Variants in SNX16 observed in about 807,000 individuals in gnomAD.
The protein encoded by SNX16 is sorting nexin 16.
Under a neutral mutation model 36.7 loss-of-function variants are expected in SNX16, and 35 were observed. That is an observed-to-expected ratio of 0.95 (90% CI 0.73 to 1.27). The LOEUF is 1.27. SNX16 is among the 50% of genes most tolerant of loss of function. The pLI is 0.00. For missense variants in SNX16, 367 were observed against 393.6 expected (o/e 0.93, Z 0.57); for synonymous variants, 134 against 132.0 (o/e 1.02, Z -0.10).
At chr8:81,841,912 C>G (rs988058726) in intron 1 of SNX16, 1 of 152,192 alleles carries the variant, frequency 6.6e-6, no homozygotes, top group African/African-American at 2.4e-5. Flanking sequence ...ATCACAGACT[C>G]TCCCGCCTCC....
At chr8:81,803,422 A>G (rs947414148) in intron 5 of SNX16, among the ~76,000 whole-genome samples, 194 bp from the exon 6 acceptor site, 17 of 151,960 alleles carry the variant, frequency 1.1e-4, no homozygotes, top group Non-Finnish European at 1.8e-4. Context: ...TTTAGTTCCC[A>G]TCCACCAGGG....
In SNX16 at chr8:81,800,340, C is replaced by A. The variant is rs1483845331; in HGVS notation, c.*1157G>T. ...TTCATCCTATAAAAATGAAACAAGG[C>A]ACTTTTAATGACTGTACACAAAGCT... On this transcript the variant is annotated 3_prime_UTR_variant, in exon 8 of 8. Coordinates refer to ENST00000345957, the MANE Select transcript of SNX16 (RefSeq NM_152836.3). The A allele has an allele frequency of 6.6e-6, 1 of 151,852 alleles. No individual in the cohort carries two copies. The highest frequency in any genetic ancestry group is 1.5e-5 in the Non-Finnish European group (1 of 67,718). 9.4% of individuals were successfully genotyped at this position (151,852 alleles called of 1,614,324 possible).
chr8:81,807,616 C>T (rs995126256), intron 5 of SNX16, among the ~76,000 whole-genome samples: 3 of 149,308 alleles, frequency 2.0e-5, no homozygotes, highest in Non-Finnish European at 3.0e-5. Context: ...CTAATTAGTG[C>T]AGTAGGGATG....
chr8:81,827,285 T>C (rs1811061884), intron 3 of SNX16, among the ~76,000 whole-genome samples: 1 of 152,188 alleles, frequency 6.6e-6, no homozygotes, highest in Middle Eastern at 3.4e-3. Context: ...AAACACTAAA[T>C]AACAGTATAG....
intron 7 of SNX16, 114 bp downstream of exon 7, chr8:81,802,266 G>T: frequency 3.1e-6 from 2 of 651,224 alleles, no homozygotes; most frequent in Non-Finnish European, 2.3e-6. Context: ...TGTTTGCTTA[G>T]CAGATTCGTG....
Position 81,801,175 on chromosome 8 carries a change from T to C in SNX16, c.*322A>G. The C allele has an allele frequency of 5.4e-6, 1 of 183,796 alleles. No homozygotes were observed. The highest frequency in any genetic ancestry group is 1.1e-5 in the Non-Finnish European group (1 of 88,906). 11.4% of individuals were successfully genotyped at this position (183,796 alleles called of 1,614,324 possible). On this transcript the variant is annotated 3_prime_UTR_variant, in exon 8 of 8. Coordinates refer to ENST00000345957, the MANE Select transcript of SNX16 (RefSeq NM_152836.3). ...TGGTGATTTAACACACATACATATATACACAGTAGTTTGGAGCAATATATA... is the reference window on the plus strand; with the variant it reads ...TGGTGATTTAACACACATACATATACACACAGTAGTTTGGAGCAATATATA...
chr8:81,840,201 A>C (rs912854302), intron 1 of SNX16, 119 bp from the exon 2 acceptor site: 2 of 493,042 alleles, frequency 4.1e-6, no homozygotes, highest in Non-Finnish European at 6.8e-6. Context: ...AACATACCTC[A>C]AACCCCTTCT....
rs188363712 is a variant in SNX16 at position 81,819,464 on chromosome 8, T to C, written c.612-4070A>G. Among the ~76,000 whole-genome samples the C allele has an allele frequency of 2.0e-5, 3 of 152,212 alleles. No homozygotes were observed. In the East Asian group the frequency reaches 5.8e-4, roughly 29 times the overall value. On this transcript the variant is annotated intron_variant, in intron 4 of 7. Transcript: ENST00000345957. Reference sequence around the variant, plus strand: ...AAAGTCCTTCTTCATCTTTCCTTGCTGGGCCAATGATCACTAATTCTTTAA... The same window carrying C: ...AAAGTCCTTCTTCATCTTTCCTTGCCGGGCCAATGATCACTAATTCTTTAA...
rs1335980353 is a variant in SNX16 at position 81,834,930 on chromosome 8, T to G, written c.375+4682A>C. The stretch of plus-strand genomic sequence containing the variant: ...ACAGCTCCACTAGACAGTGCCCCAG[T>G]AGGGACTCTGTATGGGGCTCTGACC... On this transcript the variant is annotated intron_variant, in intron 2 of 7. Transcript: ENST00000345957. Among the ~76,000 whole-genome samples the G allele has an allele frequency of 7.9e-5, 12 of 152,186 alleles. 1 individual carries two copies. The highest frequency in any genetic ancestry group is 2.9e-4 in the African/African-American group (12 of 41,460).
chr8:81,804,029 C>T (rs117677292), intron 5 of SNX16, among the ~76,000 whole-genome samples: 5,074 of 151,514 alleles, frequency 0.033, 117 homozygotes, highest in Non-Finnish European at 0.054. Context: ...CTCTAAAACA[C>T]CAGGAAGACA....
chr8:81,802,089 T>C (rs1809724565), intron 7 of SNX16, among the ~76,000 whole-genome samples: 1 of 151,592 alleles, frequency 6.6e-6, no homozygotes, highest in Non-Finnish European at 1.5e-5. Context: ...TGTCAATATT[T>C]AAAAAATTAG....
chr8:81,824,429 T>C (rs1810925030), intron 3 of SNX16, among the ~76,000 whole-genome samples: 1 of 152,146 alleles, frequency 6.6e-6, no homozygotes, highest in Admixed American at 6.5e-5. Context: ...TCTCCCAACT[T>C]GGCCTGACTT....
intron 4 of SNX16, among the ~76,000 whole-genome samples, chr8:81,821,702 T>TG (rs1459840281): frequency 6.7e-6 from 1 of 149,690 alleles, no homozygotes; most frequent in Non-Finnish European, 1.5e-5. Flanking sequence ...TTGGCTTCAA[T>TG]TTTTTTTTTC....
chr8:81,832,972 T>C (rs535085538), intron 2 of SNX16, among the ~76,000 whole-genome samples: 14 of 151,826 alleles, frequency 9.2e-5, no homozygotes, highest in African/African-American at 2.9e-4. Flanking sequence ...CACATGGCAA[T>C]TGAGCACTCA....
At chr8:81,830,053 G>A (rs1470786) in intron 2 of SNX16, among the ~76,000 whole-genome samples, 10 of 152,096 alleles carry the variant, frequency 6.6e-5, no homozygotes, top group African/African-American at 1.9e-4. Context: ...AAAACTCTGC[G>A]AAAAGGCTCT....
intron 5 of SNX16, among the ~76,000 whole-genome samples, chr8:81,804,063 A>C (rs1033551523): frequency 6.6e-6 from 1 of 151,994 alleles, no homozygotes; most frequent in Non-Finnish European, 1.5e-5. Context: ...TAAAATTGTA[A>C]GACAGTAGGG....
At position 81,823,782 on chromosome 8, in the gene SNX16, C is replaced by A. The variant is rs372286719; in HGVS notation, c.611+10G>T. 26 of 1,574,246 alleles carry A rather than the reference C, an allele frequency of 1.7e-5. No homozygotes were observed. The African/African-American group carries it at 2.9e-4, about 17-fold the overall frequency. On this transcript the variant is annotated intron_variant, in intron 4 of 7. Coordinates refer to ENST00000345957, the MANE Select transcript of SNX16 (RefSeq NM_152836.3). ...GCTTTTATAATCTCTTATTTCAATT[C>A]GTTACATACCAGTTAGCAATGTCCT...
intron 5 of SNX16, chr8:81,808,426 G>A (rs1356515021): frequency 8.5e-7 from 1 of 1,176,810 alleles, no homozygotes; most frequent in Non-Finnish European, 1.3e-6. Context: ...TTTGGTTGTG[G>A]AGGAAACTTC....
In SNX16 at chr8:81,799,996, G is replaced by T. The variant is rs1329068602; in HGVS notation, c.*1501C>A. ...TGAAAAATGTTCTGAGAACATACCT[G>T]TGCACTTTGACAGACTAAAAATTTT... On this transcript the variant is annotated 3_prime_UTR_variant, in exon 8 of 8. Coordinates refer to ENST00000345957, the MANE Select transcript of SNX16 (RefSeq NM_152836.3). 1 of 71,570 alleles carries T rather than the reference G, an allele frequency of 1.4e-5. No homozygotes were observed. The highest frequency in any genetic ancestry group is 2.8e-5 in the Non-Finnish European group (1 of 36,358). The allele number at this position is 71,570 out of a possible 1,614,324, so 4.4% of individuals were successfully genotyped here.
Sources: gnomAD v4.1 joint callset for allele counts (sites outside exome capture counted in the v4.1 genomes callset) on GRCh38, gnomAD v4.1.1 for gene constraint, MANE v1.5 for transcripts, NCBI Gene and HGNC (gene_info 2026-07-23, HGNC 2026-07-21) for gene names.